The following C2orf42 variants were observed in gnomAD, a reference collection of about 807,000 sequenced individuals.
The protein encoded by C2orf42 is chromosome 2 open reading frame 42, also known as uncharacterized protein C2orf42.
C2orf42 carries 44 observed loss-of-function variants against 58.9 expected under a neutral mutation model. The observed-to-expected ratio is 0.75, with a 90% CI of 0.59 to 0.96. The LOEUF (loss-of-function observed/expected upper bound fraction) is 0.96. Ranked by LOEUF, C2orf42 falls within the 40% of genes least tolerant of loss-of-function variation. C2orf42 has a pLI of 0.00. For synonymous variants in C2orf42, 239 were observed against 265.4 expected, an observed-to-expected ratio of 0.90 and a Z score of 0.97; for missense variants, 630 against 699.2, an observed-to-expected ratio of 0.90 and a Z score of 1.12.
intron 5 of C2orf42, among the ~76,000 whole-genome samples, chr2:70,173,084 G>T (rs965613358): frequency 6.6e-6 from 1 of 151,934 alleles, no homozygotes; most frequent in Non-Finnish European, 1.5e-5. Flanking sequence ...ATGAACCTGG[G>T]AGGCGAAGGT....
At chr2:70,168,078 C>CA (rs1322606787) in intron 6 of C2orf42, among the ~76,000 whole-genome samples, 2 of 151,468 alleles carry the variant, frequency 1.3e-5, no homozygotes, top group African/African-American at 2.4e-5. Flanking sequence ...ACTAAAAATA[C>CA]AAAAAATTGG....
At position 70,181,861 on chromosome 2, in the gene C2orf42, C is replaced by G; in HGVS notation, c.125G>C (p.Cys42Ser). The change falls in exon 3 of 10, where the codon TGT becomes TCT. Residue 42 changes from cysteine to serine, a missense_variant. Cys to Ser is a moderately radical substitution (Grantham distance 112). Transcript: ENST00000264434. ...TATGGTTCCACATGTCTTGTTCTTA[C>G]AGCTCAGTCCCCGGGTTCCATTGTA... ...GTYNGTRGLS[C>S]KNKTCGTIFR... 6.2e-7 allele frequency: 1 copy of G among 1,614,084 alleles called. No homozygotes were observed. Among genetic ancestry groups the G allele is most frequent in the East Asian group, 2.2e-5 (1 of 44,882 alleles).
At chr2:70,169,727 T>G (rs909303630) in intron 5 of C2orf42, 66 bp from the exon 6 acceptor site, 3 of 774,100 alleles carry the variant, frequency 3.9e-6, no homozygotes, top group African/African-American at 3.5e-5. Flanking sequence ...AAACAGCTAA[T>G]TGAAGTTTGA....
intron 2 of C2orf42, among the ~76,000 whole-genome samples, 161 bp from the exon 3 acceptor site, chr2:70,182,158 G>A (rs1054409224): frequency 1.3e-4 from 19 of 151,930 alleles, no homozygotes; most frequent in East Asian, 1.2e-3. Context: ...GGAGTGCAGC[G>A]GCGCGATCTC....
intron 9 of C2orf42, among the ~76,000 whole-genome samples, chr2:70,155,955 A>G (rs1462646646): frequency 6.6e-6 from 1 of 152,190 alleles, no homozygotes; most frequent in Non-Finnish European, 1.5e-5. Flanking sequence ...TGGGAATTCA[A>G]GACCAGTCTG....
intron 9 of C2orf42, among the ~76,000 whole-genome samples, chr2:70,153,411 T>C (rs1672433343): frequency 6.7e-6 from 1 of 148,616 alleles, no homozygotes; most frequent in Non-Finnish European, 1.5e-5. Flanking sequence ...GTCGCCAGGC[T>C]GTAGTGGTGC....
chr2:70,153,065 AG>A (rs1558649166), intron 9 of C2orf42, among the ~76,000 whole-genome samples: 2 of 151,578 alleles, frequency 1.3e-5, no homozygotes, highest in African/African-American at 4.8e-5. Flanking sequence ...GCAGTGGCAG[AG>A]TGTGTTCTGG....
intron 9 of C2orf42, among the ~76,000 whole-genome samples, chr2:70,153,414 A>G (rs1223826026): frequency 7.0e-6 from 1 of 143,182 alleles, no homozygotes; most frequent in East Asian, 2.1e-4. Flanking sequence ...GCCAGGCTGT[A>G]GTGGTGCGAT....
chr2:70,175,805 C>T, intron 4 of C2orf42, 28 bp from the exon 5 acceptor site: 5 of 1,233,648 alleles, frequency 4.1e-6, no homozygotes, highest in Non-Finnish European at 6.0e-6. Flanking sequence ...ACAGGTTTAA[C>T]AATGTATCTG....
At chr2:70,169,722 G>C in intron 5 of C2orf42, 61 bp from the exon 6 acceptor site, 1 of 783,458 alleles carries the variant, frequency 1.3e-6, no homozygotes, top group East Asian at 2.5e-5. Context: ...AAAATAAACA[G>C]CTAATTGAAG....
chr2:70,182,195 G>A (rs1029486178), intron 2 of C2orf42, among the ~76,000 whole-genome samples, 198 bp from the exon 3 acceptor site: 2 of 152,086 alleles, frequency 1.3e-5, no homozygotes, highest in African/African-American at 4.8e-5. Context: ...CGCCTCCTGG[G>A]TTCAAGTGAT....
chr2:70,174,331 T>A (rs946101559), intron 5 of C2orf42, among the ~76,000 whole-genome samples: 3 of 151,936 alleles, frequency 2.0e-5, no homozygotes, highest in African/African-American at 7.3e-5. Flanking sequence ...TAAATAAAAA[T>A]AAATACAATA....
chr2:70,173,944 T>TCTCTATACC (rs1461993449), intron 5 of C2orf42, among the ~76,000 whole-genome samples: 20 of 152,230 alleles, frequency 1.3e-4, no homozygotes, highest in Non-Finnish European at 2.8e-4. Flanking sequence ...TGCACATGAG[T>TCTCTATACC]AATAAGCAAT....
intron 8 of C2orf42, among the ~76,000 whole-genome samples, chr2:70,162,416 G>A (rs1056076483): frequency 2.0e-5 from 3 of 151,756 alleles, no homozygotes; most frequent in Non-Finnish European, 2.9e-5. Context: ...GGGAAGCCAA[G>A]GAGGGTGGAT....
At position 70,150,434 on chromosome 2, in the gene C2orf42, C is replaced by G; in HGVS notation, c.1647G>C (p.Val549=). 1 of 1,614,164 alleles carries G rather than the reference C, an allele frequency of 6.2e-7. No individual in the cohort carries two copies. Among genetic ancestry groups the G allele is most frequent in the Non-Finnish European group, 8.5e-7 (1 of 1,180,024 alleles). ...FEYGHHRNGH[V]AEYQDQRPPL... Reference sequence around the variant, plus strand: ...GGGGCCGCTGGTCTTGGTACTCCGCCACATGCCCATTCCGGTGGTGGCCAT... The same window carrying G: ...GGGGCCGCTGGTCTTGGTACTCCGCGACATGCCCATTCCGGTGGTGGCCAT... Residue 549 remains valine (V), a synonymous_variant, in exon 10 of 10, where the codon GTG becomes GTC. Transcript: ENST00000264434.
At chr2:70,179,395 C>A (rs1379077042) in intron 4 of C2orf42, 137 bp downstream of exon 4, 12 of 328,482 alleles carry the variant, frequency 3.7e-5, no homozygotes, top group Non-Finnish European at 6.6e-5. Flanking sequence ...ATGGTAAGAC[C>A]CCTGTCTCTT....
intron 9 of C2orf42, among the ~76,000 whole-genome samples, chr2:70,155,458 G>A (rs755791170): frequency 7.1e-4 from 108 of 152,050 alleles, no homozygotes; most frequent in Non-Finnish European, 1.3e-3. Flanking sequence ...GCTGTGCTCT[G>A]TCAGATCAAA....
At chr2:70,156,023 C>G (rs1442466784) in intron 9 of C2orf42, among the ~76,000 whole-genome samples, 1 of 151,776 alleles carries the variant, frequency 6.6e-6, no homozygotes, top group Non-Finnish European at 1.5e-5. Flanking sequence ...GGCATGGTGG[C>G]ACATGCCTGT....
At chr2:70,169,854 G>A (rs894903370) in intron 5 of C2orf42, among the ~76,000 whole-genome samples, 193 bp from the exon 6 acceptor site, 4 of 152,094 alleles carry the variant, frequency 2.6e-5, no homozygotes, top group Non-Finnish European at 2.9e-5. Flanking sequence ...TGCCTCCTGC[G>A]TTCAAGCGAT....
Sources: gnomAD v4.1 joint callset for allele counts (sites outside exome capture counted in the v4.1 genomes callset) on GRCh38, gnomAD v4.1.1 for gene constraint, MANE v1.5 for transcripts, NCBI Gene and HGNC (gene_info 2026-07-23, HGNC 2026-07-21) for gene names.